The following RFX1 variants were observed in gnomAD, a reference collection of about 807,000 sequenced individuals.
RFX1 encodes MHC class II regulatory factor RFX1.
A neutral mutation model predicts 119.6 loss-of-function variants in RFX1; 42 were observed. The observed-to-expected ratio is 0.35, with a 90% CI of 0.27 to 0.45. The LOEUF (loss-of-function observed/expected upper bound fraction) is 0.45. RFX1 is among the 20% of genes least tolerant of loss of function. The pLI is 1.00. For synonymous variants in RFX1, 628 were observed against 618.5 expected, an observed-to-expected ratio of 1.02 and a Z score of -0.23; for missense variants, 1,118 against 1,368.1, an observed-to-expected ratio of 0.82 and a Z score of 2.88.
chr19:13,973,027 G>T lies in RFX1; in HGVS notation c.1030C>A (p.Pro344Thr), dbSNP rs759764744. Residue 344 changes from proline (P) to threonine (T), a missense_variant, in exon 9 of 21, where the codon CCC becomes ACC. By Grantham distance (38) the Pro-to-Thr change is conservative. Coordinates refer to ENST00000254325, the MANE Select transcript of RFX1 (RefSeq NM_002918.5). ...CTGGCCACCGCCTGGGAGGTGGCGG[G>T]GGTGCTGACCTGGGTGGCCGTGCCT... Reference protein sequence around the residue: ...AAGTATQVSTPATSQAVASSG... With the variant: ...AAGTATQVSTTATSQAVASSG... 2.5e-6 allele frequency: 4 copies of T among 1,601,534 alleles called. No individual in the cohort carries two copies. The Admixed American group carries it at 6.7e-5, about 27-fold the overall frequency.
chr19:13,989,592 AGT>A (rs1340862792), intron 2 of RFX1, among the ~76,000 whole-genome samples: 9 of 151,834 alleles, frequency 5.9e-5, no homozygotes, highest in Admixed American at 5.3e-4. Flanking sequence ...AGAGAAAGAG[AGT>A]GTGTGTCTGT....
Position 13,977,931 on chromosome 19 carries a change from G to T in RFX1, c.929+61C>A, listed in dbSNP as rs1974299707. ...CTGGGACTGGGGACTGGTGTCCTGG[G>T]AGACTGGGGAGGCTCCAGTGCAGAC... On this transcript the variant is annotated intron_variant, in intron 8 of 20. Coordinates refer to ENST00000254325, the MANE Select transcript of RFX1 (RefSeq NM_002918.5). The T allele has an allele frequency of 2.3e-6, 3 of 1,299,758 alleles. No individual in the cohort carries two copies. The Admixed American group carries it at 5.6e-5, about 24-fold the overall frequency. 80.5% of individuals were successfully genotyped at this position (1,299,758 alleles called of 1,614,324 possible).
At position 13,963,145 on chromosome 19, in the gene RFX1, T is replaced by A. The variant is rs2145524147; in HGVS notation, c.2701A>T (p.Thr901Ser). The change falls in exon 19 of 21, where the codon ACC (threonine) becomes TCC (serine). Residue 901 changes from threonine to serine, a missense_variant. This residue lies in a region of RFX1 where 138 missense variants were observed against 117.8 expected (regional missense o/e 1.17). Coordinates refer to ENST00000254325, the MANE Select transcript of RFX1 (RefSeq NM_002918.5). ...ACCTCGCCCATGACGGCGATGGGGG[T>A]CTCGCCCTTGGCCTGGGCTACGCGG... Reference protein sequence around the residue: ...EHRVAQAKGETPIAVMGEFAN... With the variant: ...EHRVAQAKGESPIAVMGEFAN... 1.2e-6 allele frequency: 2 copies of A among 1,611,378 alleles called. No homozygotes were observed. Among genetic ancestry groups the A allele is most frequent in the South Asian group, 2.2e-5 (2 of 91,026 alleles).
intron 8 of RFX1, among the ~76,000 whole-genome samples, chr19:13,974,104 GC>G (rs1461875737): frequency 7.2e-5 from 11 of 152,144 alleles, no homozygotes; most frequent in Admixed American, 7.2e-4. Flanking sequence ...AAAAGCCCCG[GC>G]CCCCGGAACC....
chr19:13,969,827 G>C lies in RFX1; in HGVS notation c.1496+167C>G. The C allele has an allele frequency of 1.7e-6, 1 of 593,690 alleles. No homozygotes were observed. Among genetic ancestry groups the C allele is most frequent in the Non-Finnish European group, 2.9e-6 (1 of 350,460 alleles). 36.8% of individuals were successfully genotyped at this position (593,690 alleles called of 1,614,324 possible). A position where few individuals can be genotyped will look rare whatever the true frequency, so the allele number is the denominator to read the frequency against. On this transcript the variant is annotated intron_variant, in intron 10 of 20. Transcript: ENST00000254325. The surrounding 1 kb of genome is among the most constrained non-coding windows in gnomAD (Gnocchi z 4.5). ...AGAAGCACATGAGGTGGAAGGCACC[G>C]CCAGTGCAAAGGCCTAGAGTGGGAG... is the stretch of plus-strand genomic sequence containing the variant.
Position 13,968,614 on chromosome 19 carries a change from C to T in RFX1, c.1683G>A (p.Thr561=), listed in dbSNP as rs150138140. ...CCTGGGCGCTGATGTCCGACAGCCC[C>T]GTGCTCGGCTGCTGCCCCACCGCCA... is the stretch of plus-strand genomic sequence containing the variant. The part of the protein sequence containing the change: ...NGVAVGQQPS[T]GLSDISAQVQ... The change falls in exon 12 of 21, where the codon ACG becomes ACA. Residue 561 remains threonine (T), a synonymous_variant. Coordinates refer to ENST00000254325, the MANE Select transcript of RFX1 (RefSeq NM_002918.5). This position sits in a 1 kb window ranked among gnomAD's most constrained non-coding sequence, Gnocchi z 5.5. 89 of 1,613,172 alleles carry T rather than the reference C, an allele frequency of 5.5e-5. No individual in the cohort carries two copies. Among genetic ancestry groups the T allele is most frequent in the East Asian group, 1.3e-4 (6 of 44,902 alleles).
chr19:13,992,115 A>C lies in RFX1; in HGVS notation c.319+1410T>G, dbSNP rs547421050. 3.9e-5 allele frequency among the ~76,000 whole-genome samples: 6 copies of C among 151,998 alleles called. No individual in the cohort carries two copies. In the South Asian group the frequency reaches 1.2e-3, roughly 32 times the overall value. On this transcript the variant is annotated intron_variant, in intron 2 of 20. Transcript: ENST00000254325. ...AGGGCCAGCTTTGATCCGGGCTCCC[A>C]CTGAGGCCTCCGTCCACCACAGAGC...
At chr19:13,989,276 G>A (rs561105833) in intron 2 of RFX1, among the ~76,000 whole-genome samples, 6 of 152,186 alleles carry the variant, frequency 3.9e-5, no homozygotes, top group Non-Finnish European at 5.9e-5. Flanking sequence ...ATGGGTGGAA[G>A]TGGGCGAGGC....
chr19:13,981,612 A>C (rs547371923), intron 5 of RFX1, among the ~76,000 whole-genome samples: 11 of 152,172 alleles, frequency 7.2e-5, no homozygotes, highest in Non-Finnish European at 1.3e-4. Context: ...AAAACAAAAC[A>C]AGGCTCAGAG....
Position 13,969,897 on chromosome 19 carries a change from G to GCTGGA in RFX1, c.1496+92_1496+96dup. On this transcript the variant is annotated intron_variant, in intron 10 of 20. Transcript: ENST00000254325. This position sits in a 1 kb window ranked among gnomAD's most constrained non-coding sequence, Gnocchi z 4.5. ...GCCTCGCAGAGGCCGGCGGGACTGG[G>GCTGGA]CTGGACTGGACTGCCTGAGATGACT... is the stretch of plus-strand genomic sequence containing the variant. 1 of 1,289,210 alleles carries GCTGGA rather than the reference G, an allele frequency of 7.8e-7. No individual in the cohort carries two copies. The highest frequency in any genetic ancestry group is 1.1e-6 in the Non-Finnish European group (1 of 939,986). The allele number at this position is 1,289,210 out of a possible 1,614,324, so 79.9% of individuals were successfully genotyped here. A position where few individuals can be genotyped will look rare whatever the true frequency, so the allele number is the denominator to read the frequency against.
At chr19:14,006,044 T>C (rs10409213) in intron 1 of RFX1, 59 bp downstream of exon 1, 6,800 of 151,246 alleles carry the variant, frequency 0.045, 516 homozygotes, top group African/African-American at 0.15. Flanking sequence ...AGACACCTAC[T>C]GCCCCGGCCC....
intron 9 of RFX1, among the ~76,000 whole-genome samples, chr19:13,971,965 C>T (rs960840500): frequency 1.3e-5 from 2 of 152,088 alleles, no homozygotes; most frequent in African/African-American, 4.8e-5. Flanking sequence ...GAGATCATGC[C>T]ACTGCACTTC....
At chr19:13,973,239 C>A in intron 8 of RFX1, 112 bp from the exon 9 acceptor site, 1 of 781,870 alleles carries the variant, frequency 1.3e-6, no homozygotes, top group Non-Finnish European at 2.1e-6. Context: ...AGCAGCAGCT[C>A]CCCTGCAGCA....
At position 13,966,893 on chromosome 19, in the gene RFX1, C is replaced by T. The variant is rs951539562; in HGVS notation, c.1733-142G>A. 9 of 581,058 alleles carry T rather than the reference C, an allele frequency of 1.5e-5. No homozygotes were observed. The highest frequency in any genetic ancestry group is 7.6e-5 in the African/African-American group (4 of 52,464). 36.0% of individuals were successfully genotyped at this position (581,058 alleles called of 1,614,324 possible). ...CGCTAGGTGGGGTGAGCGCCTGGCC[C>T]GGGCCCAGGACGGGCCCAGGAGTGA... On this transcript the variant is annotated intron_variant, in intron 12 of 20. Coordinates refer to ENST00000254325, the MANE Select transcript of RFX1 (RefSeq NM_002918.5). The surrounding 1 kb of genome is among the most constrained non-coding windows in gnomAD (Gnocchi z 6.3).
chr19:13,983,449 G>A (rs763830177), intron 3 of RFX1, 37 bp downstream of exon 3: 20 of 1,509,320 alleles, frequency 1.3e-5, no homozygotes, highest in South Asian at 4.7e-5. Context: ...CCCCCCTCCC[G>A]GGCCCTCCCC....
chr19:13,966,816 T>G lies in RFX1; in HGVS notation c.1733-65A>C, dbSNP rs1240938560. ...TTGCCTGCCCACCCTGGGGTCCTAC[T>G]GACCTGTCCGTTTCCCATCAGACTG... is the stretch of plus-strand genomic sequence containing the variant. On this transcript the variant is annotated intron_variant, in intron 12 of 20. Transcript: ENST00000254325. The surrounding 1 kb of genome is among the most constrained non-coding windows in gnomAD (Gnocchi z 6.3). 1 of 1,112,034 alleles carries G rather than the reference T, an allele frequency of 9.0e-7. No individual in the cohort carries two copies. The highest frequency in any genetic ancestry group is 1.6e-5 in the African/African-American group (1 of 63,794). The allele number at this position is 1,112,034 out of a possible 1,614,324, so 68.9% of individuals were successfully genotyped here. A position where few individuals can be genotyped will look rare whatever the true frequency, so the allele number is the denominator to read the frequency against.
rs1257527921 is a variant in RFX1, at chr19:13,990,550, G to A, written c.319+2975C>T. 1.3e-5 allele frequency among the ~76,000 whole-genome samples: 2 copies of A among 152,122 alleles called. No individual in the cohort carries two copies. The highest frequency in any genetic ancestry group is 6.6e-5 in the Admixed American group (1 of 15,258). On this transcript the variant is annotated intron_variant, in intron 2 of 20. Transcript: ENST00000254325. This position sits in a 1 kb window ranked among gnomAD's most constrained non-coding sequence, Gnocchi z 4.1. ...TTAAAAGATTAGGCCGGGCGCGGTG[G>A]CTCACGCCTGTAATCCCAGCACTTT...
At chr19:13,963,427 G>C in intron 18 of RFX1, 111 bp downstream of exon 18, 1 of 1,423,116 alleles carries the variant, frequency 7.0e-7, no homozygotes. Context: ...CAGGGCCCCA[G>C]CCTGCCCGCC....
intron 8 of RFX1, 69 bp from the exon 9 acceptor site, chr19:13,973,196 G>C: frequency 2.2e-5 from 17 of 777,888 alleles, no homozygotes; most frequent in East Asian, 3.7e-5. Context: ...GCATGACTGT[G>C]CAGGAAGGGG....
Sources: gnomAD v4.1 joint callset for allele counts (sites outside exome capture counted in the v4.1 genomes callset) on GRCh38, gnomAD v4.1.1 for gene constraint, gnomAD v4.1.1 regional missense constraint, Gnocchi (gnomAD v3.1) non-coding constraint, MANE v1.5 for transcripts, NCBI Gene and HGNC (gene_info 2026-07-23, HGNC 2026-07-21) for gene names.